GRK2: variants seen among roughly 807,000 people sequenced by gnomAD.
GRK2 encodes the protein adrenergic beta receptor kinase 1.
Under a neutral mutation model 97.8 loss-of-function variants are expected in GRK2, and 23 were observed. The observed-to-expected ratio is 0.24, with a 90% confidence interval of 0.17 to 0.33. GRK2 has a LOEUF of 0.33. Among genes scored for constraint, GRK2 ranks in the 10% least tolerant of loss-of-function variants. GRK2 has a pLI of 1.00. For missense variants in GRK2, 633 were observed against 956.9 expected (o/e 0.66, Z 4.47); for synonymous variants, 425 against 381.7 (o/e 1.11, Z -1.32).
chr11:67,273,378 G>C (rs566130492), intron 1 of GRK2, among the ~76,000 whole-genome samples: 1 of 152,224 alleles, frequency 6.6e-6, no homozygotes, highest in Non-Finnish European at 1.5e-5. Context: ...GCTGACCTGG[G>C]TGGGGGACAG....
Position 67,281,737 on chromosome 11 carries a change from T to TGGCCGGGCCCTAGGGTG in GRK2, c.826+20_826+36dup, listed in dbSNP as rs760039738. On this transcript the variant is annotated intron_variant, in intron 10 of 20. Coordinates refer to ENST00000308595, the MANE Select transcript of GRK2 (RefSeq NM_001619.5). The surrounding 1 kb of genome is among the most constrained non-coding windows in gnomAD (Gnocchi z 5.7). ...CCTGGACCTCATGAACGGTGAGTGC[T>TGGCCGGGCCCTAGGGTG]GGCCGGGCCCTAGGGTGGGCCGGGC... 1.9e-6 allele frequency: 3 copies of TGGCCGGGCCCTAGGGTG among 1,613,202 alleles called. No individual in the cohort carries two copies. Among genetic ancestry groups the TGGCCGGGCCCTAGGGTG allele is most frequent in the African/African-American group, 1.3e-5 (1 of 74,864 alleles).
Position 67,280,720 on chromosome 11 carries a change from C to A in GRK2, c.504-12C>A. The A allele has an allele frequency of 6.2e-7, 1 of 1,614,040 alleles. No individual in the cohort carries two copies. The highest frequency in any genetic ancestry group is 8.5e-7 in the Non-Finnish European group (1 of 1,179,966). ...TCTGAGTGGCCCCTGAGCCCTGATTCTTCTTTTCCAGCGATAAGTTCACAC... is the reference window on the plus strand; with the variant it reads ...TCTGAGTGGCCCCTGAGCCCTGATTATTCTTTTCCAGCGATAAGTTCACAC... On this transcript the variant is annotated splice_polypyrimidine_tract_variant and intron_variant, in intron 6 of 20. Transcript: ENST00000308595.
Position 67,286,245 on chromosome 11 carries a change from C to G in GRK2, c.*795C>G. On this transcript the variant is annotated 3_prime_UTR_variant, in exon 21 of 21. Coordinates refer to ENST00000308595, the MANE Select transcript of GRK2 (RefSeq NM_001619.5). ...CCCAGGACGGGGCCGGCCAGGTGGG[C>G]GGGCAGCACAGCAAGGAGGCTGGCT... is the stretch of plus-strand genomic sequence containing the variant. The G allele has an allele frequency of 3.4e-6, 2 of 584,296 alleles. No individual in the cohort carries two copies. The highest frequency in any genetic ancestry group is 3.0e-6 in the Non-Finnish European group (1 of 329,618). The allele number at this position is 584,296 out of a possible 1,614,324, so 36.2% of individuals were successfully genotyped here. A position where few individuals can be genotyped will look rare whatever the true frequency, so the allele number is the denominator to read the frequency against.
chr11:67,281,328 C>T lies in GRK2; in HGVS notation c.648-131C>T. 9.2e-7 allele frequency: 1 copy of T among 1,091,656 alleles called. No individual in the cohort carries two copies. The highest frequency in any genetic ancestry group is 2.5e-5 in the East Asian group (1 of 39,672). The allele number at this position is 1,091,656 out of a possible 1,614,324, so 67.6% of individuals were successfully genotyped here. On this transcript the variant is annotated intron_variant, in intron 8 of 20. Coordinates refer to ENST00000308595, the MANE Select transcript of GRK2 (RefSeq NM_001619.5). The surrounding 1 kb of genome is among the most constrained non-coding windows in gnomAD (Gnocchi z 5.7). ...TGTTACCCCCGCAGGCTCCTCTGGC[C>T]CCAGCCCTCCCTGTCTCTGATTTGT...
At chr11:67,278,504 C>T (rs1860079827) in intron 2 of GRK2, among the ~76,000 whole-genome samples, 1 of 152,224 alleles carries the variant, frequency 6.6e-6, no homozygotes, top group Non-Finnish European at 1.5e-5. Flanking sequence ...AGGCCCCAGC[C>T]CCAACCTCTT....
chr11:67,283,468 C>T, intron 15 of GRK2: 1 of 610,332 alleles, frequency 1.6e-6, no homozygotes, highest in Non-Finnish European at 2.9e-6. Flanking sequence ...ATGATGATAG[C>T]AGCTTTTTAT....
Position 67,266,830 on chromosome 11 carries a change from G to GCGGCCC in GRK2, c.113+25_113+30dup, listed in dbSNP as rs1859811796. 8.2e-7 allele frequency: 1 copy of GCGGCCC among 1,215,004 alleles called. No homozygotes were observed. The highest frequency in any genetic ancestry group is 2.7e-5 in the South Asian group (1 of 36,390). The allele number at this position is 1,215,004 out of a possible 1,614,324, so 75.3% of individuals were successfully genotyped here. Reference sequence around the variant, plus strand: ...GAGCCCAGGTGAGGAGAAGCTGCCCGCGGCCCCGGCCCGACCCCGCGGGCG... The same window carrying GCGGCCC: ...GAGCCCAGGTGAGGAGAAGCTGCCCGCGGCCCCGGCCCCGGCCCGACCCCGCGGGCG... On this transcript the variant is annotated intron_variant, in intron 1 of 20. Transcript: ENST00000308595.
At chr11:67,277,137 G>A (rs1449141005) in intron 1 of GRK2, 135 bp from the exon 2 acceptor site, 2 of 739,992 alleles carry the variant, frequency 2.7e-6, no homozygotes, top group African/African-American at 1.7e-5. Context: ...TGGGATAAGT[G>A]AGTAGGCCTG....
In GRK2 at chr11:67,281,899, A is replaced by C; in HGVS notation, c.904A>C (p.Ile302Leu). The change falls in exon 11 of 21, where the codon ATC (isoleucine) becomes CTC (leucine). Residue 302 changes from isoleucine (I) to leucine (L), a missense_variant. Transcript: ENST00000308595. This position sits in a 1 kb window ranked among gnomAD's most constrained non-coding sequence, Gnocchi z 5.7. ...ADMRFYAAEIILGLEHMHNRF... is the reference protein window; with the variant it reads ...ADMRFYAAEILLGLEHMHNRF... ...CATGCGCTTCTATGCGGCCGAGATC[A>C]TCCTGGGCCTGGAGCACATGCACAA... 1.9e-6 allele frequency: 3 copies of C among 1,613,458 alleles called. No individual in the cohort carries two copies. The highest frequency in any genetic ancestry group is 1.7e-4 in the Middle Eastern group (1 of 6,054).
intron 6 of GRK2, 55 bp from the exon 7 acceptor site, chr11:67,280,677 G>A: frequency 2.5e-6 from 4 of 1,604,648 alleles, no homozygotes; most frequent in Non-Finnish European, 3.4e-6. Flanking sequence ...GCTCACGACA[G>A]CATCATCCTT....
In GRK2 at chr11:67,279,481, G is replaced by A. The variant is rs775654396; in HGVS notation, c.328G>A (p.Asp110Asn). The change falls in exon 4 of 21, where the codon GAC (aspartate) becomes AAC (asparagine). Residue 110 changes from aspartate (D) to asparagine (N), a missense_variant. Asp to Asn is a conservative substitution (Grantham distance 23). This residue lies in a region of GRK2 where 193 missense variants were observed against 212.2 expected (regional missense o/e 0.91). Coordinates refer to ENST00000308595, the MANE Select transcript of GRK2 (RefSeq NM_001619.5). Reference protein sequence around the residue: ...ERVARSREIFDSYIMKELLAC... With the variant: ...ERVARSREIFNSYIMKELLAC... ...TGTGGCCCGCAGCCGGGAGATCTTC[G>A]ACTCATACATCATGAAGGAGCTGCT... 4 of 1,613,162 alleles carry A rather than the reference G, an allele frequency of 2.5e-6. No individual in the cohort carries two copies. Among genetic ancestry groups the A allele is most frequent in the South Asian group, 2.2e-5 (2 of 91,074 alleles).
intron 1 of GRK2, 85 bp from the exon 2 acceptor site, chr11:67,277,187 C>A: frequency 7.4e-7 from 1 of 1,348,188 alleles, no homozygotes. Context: ...GCGACACCAC[C>A]ACAGTGCCCT....
At chr11:67,280,549 A>G in intron 6 of GRK2, 183 bp from the exon 7 acceptor site, 1 of 702,186 alleles carries the variant, frequency 1.4e-6, no homozygotes, top group East Asian at 2.7e-5. Context: ...AGCAGCCCTG[A>G]CTGGTGCTGT....
In GRK2 at chr11:67,282,242, C is replaced by T. The variant is rs760350007; in HGVS notation, c.958-29C>T. The T allele has an allele frequency of 1.2e-6, 2 of 1,602,510 alleles. No homozygotes were observed. Among genetic ancestry groups the T allele is most frequent in the Non-Finnish European group, 8.5e-7 (1 of 1,170,524 alleles). On this transcript the variant is annotated intron_variant, in intron 11 of 20. Transcript: ENST00000308595. This position sits in a 1 kb window ranked among gnomAD's most constrained non-coding sequence, Gnocchi z 6.9. ...TGGCTGGGCCCCATCCTGAGCTGCC[C>T]CAGGCAGCTCACTGGGCTTCCTTCA...
At chr11:67,272,271 G>C (rs1038662315) in intron 1 of GRK2, among the ~76,000 whole-genome samples, 8 of 152,196 alleles carry the variant, frequency 5.3e-5, no homozygotes, top group East Asian at 3.9e-4. Flanking sequence ...AGAGGTCAAG[G>C]GGGGGATGGA....
chr11:67,279,695 T>C lies in GRK2; in HGVS notation c.436T>C (p.Phe146Leu). ...GAAGAAGCAGGTGCCTCCGGATCTC[T>C]TCCAGGTGTGTGCCTCCCGGTCCCT... ...LGKKQVPPDLFQPYIEEICQN... is the reference protein window; with the variant it reads ...LGKKQVPPDLLQPYIEEICQN... The change falls in exon 5 of 21, where the codon TTC becomes CTC. Residue 146 changes from phenylalanine (F) to leucine (L), a missense_variant. This residue lies in a region of GRK2 where 193 missense variants were observed against 212.2 expected (regional missense o/e 0.91). Transcript: ENST00000308595. The C allele has an allele frequency of 6.2e-7, 1 of 1,613,600 alleles. No individual in the cohort carries two copies. The highest frequency in any genetic ancestry group is 8.5e-7 in the Non-Finnish European group (1 of 1,179,950).
At chr11:67,280,242 G>A (rs1860120206) in intron 6 of GRK2, 1 of 419,196 alleles carries the variant, frequency 2.4e-6, no homozygotes, top group Non-Finnish European at 4.4e-6. Context: ...GTCCTGGTAG[G>A]GGTAGGCCCA....
Position 67,285,500 on chromosome 11 carries a change from ATTAT to A in GRK2, c.*53_*56del. On this transcript the variant is annotated 3_prime_UTR_variant, in exon 21 of 21. Coordinates refer to ENST00000308595, the MANE Select transcript of GRK2 (RefSeq NM_001619.5). ...CTCTAATTTATTTTGTCGAATTTTT[ATTAT>A]TTGTTTTCCCGCCAAGCGGAAAAGG... 1 of 1,479,566 alleles carries A rather than the reference ATTAT, an allele frequency of 6.8e-7. No individual in the cohort carries two copies. The highest frequency in any genetic ancestry group is 8.9e-7 in the Non-Finnish European group (1 of 1,117,384). The allele number at this position is 1,479,566 out of a possible 1,614,324, so 91.7% of individuals were successfully genotyped here.
In GRK2 at chr11:67,279,509, C is replaced by T; in HGVS notation, c.356C>T (p.Ala119Val). 1.9e-6 allele frequency: 3 copies of T among 1,613,140 alleles called. No individual in the cohort carries two copies. Among genetic ancestry groups the T allele is most frequent in the Admixed American group, 1.7e-5 (1 of 60,028 alleles). ...TCATACATCATGAAGGAGCTGCTGGCCTGCTCGCATGTGAGTGTCCTCAGC... is the reference window on the plus strand; with the variant it reads ...TCATACATCATGAAGGAGCTGCTGGTCTGCTCGCATGTGAGTGTCCTCAGC... ...FDSYIMKELL[A>V]CSHPFSKSAT... The change falls in exon 4 of 21, where the codon GCC becomes GTC. Residue 119 changes from alanine to valine, a missense_variant. Ala to Val is a moderately conservative substitution (Grantham distance 64). This residue lies in a region of GRK2 where 193 missense variants were observed against 212.2 expected (regional missense o/e 0.91). Transcript: ENST00000308595.
Sources: allele counts gnomAD v4.1 joint callset (sites outside exome capture counted in the v4.1 genomes callset), GRCh38; gene constraint gnomAD v4.1.1; regional missense constraint gnomAD v4.1.1; non-coding constraint Gnocchi (gnomAD v3.1); transcripts MANE v1.5; gene names NCBI Gene and HGNC (gene_info 2026-07-23, HGNC 2026-07-21).